The following C8A variants were observed in gnomAD, a reference collection of about 807,000 sequenced individuals.
C8A encodes complement component C8 alpha chain.
In C8A, 67 loss-of-function variants were observed where a neutral mutation model predicts 65.3. The observed-to-expected ratio is 1.03, with a 90% CI of 0.84 to 1.26. The LOEUF (loss-of-function observed/expected upper bound fraction) is 1.26. Among genes scored for constraint, C8A ranks in the 50% most tolerant of loss-of-function variants. C8A has a pLI of 0.00. For missense variants in C8A, 781 were observed against 723.9 expected (o/e 1.08, Z -0.90); for synonymous variants, 290 against 259.4 (o/e 1.12, Z -1.13).
At chr1:56,855,066 G>A in intron 1 of C8A, 88 bp downstream of exon 1, 1 of 976,226 alleles carries the variant, frequency 1.0e-6, no homozygotes, top group Non-Finnish European at 1.6e-6. Context: ...AGCAGAGGCT[G>A]TGTTAGAATG....
In C8A at chr1:56,896,004, A is replaced by G. The variant is rs1411503481; in HGVS notation, c.1096+9837A>G. On this transcript the variant is annotated intron_variant, in intron 7 of 10. Transcript: ENST00000361249. ...GTGTGTAGACTGATCATGATGTAAAATGTATTTCTTACTTTGAGAGTGGTC... is the reference window on the plus strand; with the variant it reads ...GTGTGTAGACTGATCATGATGTAAAGTGTATTTCTTACTTTGAGAGTGGTC... 3.3e-5 allele frequency among the ~76,000 whole-genome samples: 5 copies of G among 152,232 alleles called. No homozygotes were observed. In the East Asian group the frequency reaches 7.7e-4, roughly 24 times the overall value.
At chr1:56,906,339 G>T (rs1171368106) in intron 7 of C8A, among the ~76,000 whole-genome samples, 2 of 152,124 alleles carry the variant, frequency 1.3e-5, no homozygotes, top group African/African-American at 4.8e-5. Context: ...TCATGGCCCG[G>T]GCACTGAGGT....
At chr1:56,858,875 C>T (rs1245751962) in intron 1 of C8A, among the ~76,000 whole-genome samples, 1 of 152,184 alleles carries the variant, frequency 6.6e-6, no homozygotes, top group East Asian at 1.9e-4. Context: ...CACGTAGTGG[C>T]TATGGAAGTT....
At chr1:56,884,338 G>A (rs1644272928) in intron 6 of C8A, among the ~76,000 whole-genome samples, 1 of 152,080 alleles carries the variant, frequency 6.6e-6, no homozygotes, top group Non-Finnish European at 1.5e-5. Context: ...AGCACAGGGT[G>A]GGAAAGGAAA....
chr1:56,880,228 T>C (rs924966516), intron 4 of C8A, among the ~76,000 whole-genome samples: 4 of 152,124 alleles, frequency 2.6e-5, no homozygotes, highest in African/African-American at 9.7e-5. Context: ...CTTGACATTA[T>C]TTTACCTGAA....
At position 56,854,861 on chromosome 1, in the gene C8A, T is replaced by TA. The variant is rs1223062526; in HGVS notation, c.-40dup. 4 of 1,565,472 alleles carry TA rather than the reference T, an allele frequency of 2.6e-6. No homozygotes were observed. The highest frequency in any genetic ancestry group is 2.6e-6 in the Non-Finnish European group (3 of 1,139,238). On this transcript the variant is annotated 5_prime_UTR_variant, in exon 1 of 11. Transcript: ENST00000361249. ...CTCCAATTTCCTGAATAGATAGCTT[T>TA]ATTCCTTCAAGGTAATATAGTGCGG...
At chr1:56,903,827 G>T (rs527804777) in intron 7 of C8A, among the ~76,000 whole-genome samples, 66 of 152,316 alleles carry the variant, frequency 4.3e-4, no homozygotes, top group Non-Finnish European at 7.8e-4. Flanking sequence ...AATTAGAATT[G>T]ATAGAGGTTG....
rs1417486838 is a variant in C8A at position 56,854,847 on chromosome 1, T to C, written c.-55T>C. The C allele has an allele frequency of 6.0e-6, 9 of 1,497,662 alleles. No homozygotes were observed. Among genetic ancestry groups the C allele is most frequent in the Admixed American group, 3.5e-5 (2 of 56,772 alleles). 92.8% of individuals were successfully genotyped at this position (1,497,662 alleles called of 1,614,324 possible). On this transcript the variant is annotated 5_prime_UTR_variant, in exon 1 of 11. Coordinates refer to ENST00000361249, the MANE Select transcript of C8A (RefSeq NM_000562.3). ...GTAGACATCTTTTACTCCAATTTCC[T>C]GAATAGATAGCTTTATTCCTTCAAG... is the stretch of plus-strand genomic sequence containing the variant.
chr1:56,906,626 A>T, intron 7 of C8A, 41 bp from the exon 8 acceptor site: 1 of 1,612,820 alleles, frequency 6.2e-7, no homozygotes, highest in South Asian at 1.1e-5. Flanking sequence ...AGTGTCTTTT[A>T]ATAACTCAGC....
intron 3 of C8A, 76 bp downstream of exon 3, chr1:56,875,169 TA>T: frequency 6.6e-7 from 1 of 1,509,976 alleles, no homozygotes; most frequent in East Asian, 2.3e-5. Context: ...GGGAGCTTAT[TA>T]AAATGCATAC....
At chr1:56,907,386 G>T (rs1172487857) in intron 8 of C8A, among the ~76,000 whole-genome samples, 4 of 152,154 alleles carry the variant, frequency 2.6e-5, no homozygotes, top group Non-Finnish European at 4.4e-5. Context: ...TATTCCTATT[G>T]CATTAGGTTA....
intron 7 of C8A, among the ~76,000 whole-genome samples, chr1:56,897,109 A>T (rs1313930936): frequency 6.6e-6 from 1 of 152,206 alleles, no homozygotes; most frequent in Non-Finnish European, 1.5e-5. Flanking sequence ...TTTCCTTTCT[A>T]AGAACATCAA....
intron 10 of C8A, among the ~76,000 whole-genome samples, chr1:56,915,165 G>T (rs926770604): frequency 1.4e-4 from 22 of 152,176 alleles, no homozygotes; most frequent in African/African-American, 5.3e-4. Context: ...AATTGTTCTG[G>T]GTTGTTACTT....
At chr1:56,860,973 C>T (rs1213858154) in intron 1 of C8A, among the ~76,000 whole-genome samples, 1 of 152,114 alleles carries the variant, frequency 6.6e-6, no homozygotes, top group Admixed American at 6.5e-5. Flanking sequence ...GCATCTTAGT[C>T]AGTTTTGTGT....
chr1:56,866,095 T>A (rs1644085558), intron 1 of C8A, among the ~76,000 whole-genome samples: 1 of 152,162 alleles, frequency 6.6e-6, no homozygotes. Context: ...ACATCCACAG[T>A]TATTGGAAAA....
intron 10 of C8A, among the ~76,000 whole-genome samples, chr1:56,914,440 C>A (rs761432884): frequency 2.1e-4 from 32 of 152,134 alleles, no homozygotes; most frequent in Admixed American, 1.4e-3. Context: ...ACATGGTGAG[C>A]AGTTGGTAGT....
At position 56,912,614 on chromosome 1, in the gene C8A, C is replaced by T; in HGVS notation, c.1592C>T (p.Thr531Ile). ...AGCTTGGGTGCTGCCTGTGAGCAAA[C>T]ACAGACAGAAGGTAAGGTCCGTGCA... is the stretch of plus-strand genomic sequence containing the variant. Reference protein sequence around the residue: ...LGSLGAACEQTQTEGAKADGS... With the variant: ...LGSLGAACEQIQTEGAKADGS... The change falls in exon 10 of 11, where the codon ACA (threonine) becomes ATA (isoleucine). Residue 531 changes from threonine to isoleucine, a missense_variant. Coordinates refer to ENST00000361249, the MANE Select transcript of C8A (RefSeq NM_000562.3). 1.2e-6 allele frequency: 2 copies of T among 1,614,128 alleles called. No homozygotes were observed. Among genetic ancestry groups the T allele is most frequent in the Non-Finnish European group, 1.7e-6 (2 of 1,179,990 alleles).
intron 3 of C8A, 62 bp from the exon 4 acceptor site, chr1:56,876,000 T>G: frequency 6.3e-7 from 1 of 1,584,842 alleles, no homozygotes; most frequent in Non-Finnish European, 8.6e-7. Flanking sequence ...ACTTACTGAT[T>G]GTGGGTGTGA....
chr1:56,883,407 G>T, intron 5 of C8A, 74 bp from the exon 6 acceptor site: 1 of 1,321,156 alleles, frequency 7.6e-7, no homozygotes, highest in Non-Finnish European at 1.1e-6. Flanking sequence ...ACAAAGCAAA[G>T]ATTTAAGTAT....
Sources: allele counts gnomAD v4.1 joint callset (sites outside exome capture counted in the v4.1 genomes callset), GRCh38; gene constraint gnomAD v4.1.1; transcripts MANE v1.5; gene names NCBI Gene and HGNC (gene_info 2026-07-23, HGNC 2026-07-21).